RAB3GAP2: variants seen among roughly 807,000 people sequenced by gnomAD.
RAB3GAP2 encodes rab3 GTPase-activating protein non-catalytic subunit.
A neutral mutation model predicts 185.3 loss-of-function variants in RAB3GAP2; 87 were observed. The observed-to-expected ratio is 0.47, with a 90% CI of 0.39 to 0.56. The LOEUF (loss-of-function observed/expected upper bound fraction) is 0.56, where lower values mean the gene tolerates loss of function less well. RAB3GAP2 is among the 20% of genes least tolerant of loss of function. The pLI, the probability that RAB3GAP2 is intolerant of heterozygous loss-of-function variation, is 0.00. For synonymous variants in RAB3GAP2, 554 were observed against 576.1 expected (o/e 0.96, Z 0.55); for missense variants, 1,492 against 1,638.2 (o/e 0.91, Z 1.54).
intron 7 of RAB3GAP2, chr1:220,208,000 A>C (rs545544633): frequency 1.3e-5 from 2 of 152,312 alleles, no homozygotes; most frequent in South Asian, 4.1e-4. Context: ...AGCAAATAGA[A>C]GATATTTTTG....
chr1:220,215,252 G>C (rs1422623227), intron 2 of RAB3GAP2, among the ~76,000 whole-genome samples: 1 of 152,008 alleles, frequency 6.6e-6, no homozygotes, highest in Non-Finnish European at 1.5e-5. Flanking sequence ...CTGGGTCAAA[G>C]GGAATGTGTA....
chr1:220,212,079 G>A (rs1460708701), intron 4 of RAB3GAP2, among the ~76,000 whole-genome samples: 2 of 152,166 alleles, frequency 1.3e-5, no homozygotes, highest in African/African-American at 4.8e-5. Flanking sequence ...TTCTAAGCTA[G>A]CAGCTCCATC....
At chr1:220,229,464 C>T (rs1416459167) in intron 2 of RAB3GAP2, among the ~76,000 whole-genome samples, 2 of 152,156 alleles carry the variant, frequency 1.3e-5, no homozygotes, top group African/African-American at 4.8e-5. Context: ...CTTTTCTACT[C>T]ATTAGGTTAT....
rs767036069 is a variant in RAB3GAP2, at chr1:220,170,884, C to T, written c.2806+8G>A. ...TGGATGCAAATGCTCAAATAAACTT[C>T]AGCTTACCTTTTCCTCCTTCTAATA... is the stretch of plus-strand genomic sequence containing the variant. On this transcript the variant is annotated splice_region_variant and intron_variant, in intron 24 of 34. Transcript: ENST00000358951. 1.2e-6 allele frequency: 2 copies of T among 1,604,588 alleles called. No individual in the cohort carries two copies.
At chr1:220,164,291 C>G (rs1427990555) in intron 27 of RAB3GAP2, among the ~76,000 whole-genome samples, 1 of 151,870 alleles carries the variant, frequency 6.6e-6, no homozygotes, top group African/African-American at 2.4e-5. Flanking sequence ...ATCATTGATT[C>G]CCTCTTTCCT....
intron 1 of RAB3GAP2, among the ~76,000 whole-genome samples, chr1:220,251,286 A>T (rs1659925539): frequency 6.6e-6 from 1 of 152,254 alleles, no homozygotes; most frequent in South Asian, 2.1e-4. Context: ...TTTAGATTAA[A>T]ATCTAGTAGA....
At chr1:220,250,163 C>T (rs550613403) in intron 1 of RAB3GAP2, among the ~76,000 whole-genome samples, 13 of 152,254 alleles carry the variant, frequency 8.5e-5, no homozygotes, top group Admixed American at 6.5e-4. Flanking sequence ...ATGAAGGAGG[C>T]CTGGAGGAAG....
At chr1:220,154,175 G>GT (rs1657815037) in intron 31 of RAB3GAP2, 118 bp from the exon 32 acceptor site, 3 of 1,398,622 alleles carry the variant, frequency 2.1e-6, no homozygotes, top group Admixed American at 4.7e-5. Context: ...TCCTTGAACA[G>GT]TAAGATTTTA....
chr1:220,214,308 A>G (rs1219363409), intron 2 of RAB3GAP2, among the ~76,000 whole-genome samples: 1 of 152,164 alleles, frequency 6.6e-6, no homozygotes, highest in Non-Finnish European at 1.5e-5. Context: ...AGCCAAGGAC[A>G]GGAGGTCAGG....
chr1:220,181,819 C>G (rs547775034), intron 21 of RAB3GAP2, among the ~76,000 whole-genome samples: 2 of 151,738 alleles, frequency 1.3e-5, no homozygotes, highest in African/African-American at 4.8e-5. Flanking sequence ...AGCGGTCATG[C>G]GGGGAGGATT....
chr1:220,211,346 T>C (rs1181905313), intron 4 of RAB3GAP2: 3 of 489,754 alleles, frequency 6.1e-6, no homozygotes, highest in Non-Finnish European at 1.2e-5. Flanking sequence ...AGCCATTTCC[T>C]ACTATCTCTC....
chr1:220,242,703 C>T (rs2102897078), intron 1 of RAB3GAP2, among the ~76,000 whole-genome samples: 1 of 152,240 alleles, frequency 6.6e-6, no homozygotes, highest in Middle Eastern at 3.4e-3. Flanking sequence ...CAAACTGTTT[C>T]CAACCTTGCT....
chr1:220,250,993 A>G (rs1456840351), intron 1 of RAB3GAP2, among the ~76,000 whole-genome samples: 1 of 152,186 alleles, frequency 6.6e-6, no homozygotes, highest in Non-Finnish European at 1.5e-5. Context: ...GGAGTAATAC[A>G]AGTACTTTGG....
At chr1:220,202,028 G>A (rs1658870115) in intron 9 of RAB3GAP2, among the ~76,000 whole-genome samples, 1 of 152,022 alleles carries the variant, frequency 6.6e-6, no homozygotes, top group South Asian at 2.1e-4. Flanking sequence ...AGCCAGGCGG[G>A]GTGGCGCATG....
At chr1:220,243,906 A>T (rs1451832790) in intron 1 of RAB3GAP2, among the ~76,000 whole-genome samples, 2 of 152,338 alleles carry the variant, frequency 1.3e-5, no homozygotes, top group East Asian at 3.9e-4. Flanking sequence ...ACACAGGCAC[A>T]GAAGGGACTA....
intron 27 of RAB3GAP2, among the ~76,000 whole-genome samples, chr1:220,163,740 C>CATATATATATATATATATATATATATAA (rs1274317823): frequency 1.1e-5 from 1 of 90,160 alleles, no homozygotes; most frequent in Non-Finnish European, 2.0e-5. Context: ...TATATAAATA[C>CATATATATATATATATATATATATATAA]ATACATATAT....
At chr1:220,189,946 C>T in intron 16 of RAB3GAP2, 118 bp downstream of exon 16, 1 of 1,089,942 alleles carries the variant, frequency 9.2e-7, no homozygotes, top group Non-Finnish European at 1.4e-6. Flanking sequence ...TTCAGCCTTA[C>T]AGAGCAATTC....
At chr1:220,249,617 T>C (rs775640109) in intron 1 of RAB3GAP2, among the ~76,000 whole-genome samples, 4 of 151,900 alleles carry the variant, frequency 2.6e-5, no homozygotes, top group Non-Finnish European at 5.9e-5. Flanking sequence ...ACCAAGACAA[T>C]GGGGAAAATG....
intron 14 of RAB3GAP2, among the ~76,000 whole-genome samples, chr1:220,190,826 A>G (rs1005369024): frequency 2.6e-5 from 4 of 152,294 alleles, no homozygotes; most frequent in African/African-American, 9.6e-5. Flanking sequence ...AGCATAAGTA[A>G]GGGACAAACA....
Sources: gnomAD v4.1 joint callset for allele counts (sites outside exome capture counted in the v4.1 genomes callset) on GRCh38, gnomAD v4.1.1 for gene constraint, MANE v1.5 for transcripts, NCBI Gene and HGNC (gene_info 2026-07-23, HGNC 2026-07-21) for gene names.